Variants in ERICH3 observed in about 807,000 individuals in gnomAD.
ERICH3 encodes the protein glutamate-rich protein 3.
A neutral mutation model predicts 131.1 loss-of-function variants in ERICH3; 126 were observed. That is an observed-to-expected ratio of 0.96 (90% CI 0.83 to 1.11). The LOEUF is 1.11. ERICH3 is among the 50% of genes most tolerant of loss of function. The pLI, the probability that ERICH3 is intolerant of heterozygous loss-of-function variation, is 0.00. For synonymous variants in ERICH3, 695 were observed against 644.6 expected (o/e 1.08, Z -1.18); for missense variants, 2,050 against 1,810.7 (o/e 1.13, Z -2.40).
intron 1 of ERICH3, among the ~76,000 whole-genome samples, chr1:74,654,133 T>G (rs1421256929): frequency 1.3e-5 from 2 of 152,142 alleles, no homozygotes; most frequent in East Asian, 3.9e-4. Flanking sequence ...TTATTGTTTA[T>G]GTAGTCTCTA....
chr1:74,585,212 G>C (rs960721751), intron 12 of ERICH3, among the ~76,000 whole-genome samples: 3 of 152,104 alleles, frequency 2.0e-5, no homozygotes, highest in Non-Finnish European at 4.4e-5. Context: ...ATGCATGACA[G>C]CTTAAGCTGA....
chr1:74,650,209 A>C (rs959732458), intron 1 of ERICH3, among the ~76,000 whole-genome samples: 3 of 152,158 alleles, frequency 2.0e-5, no homozygotes, highest in Non-Finnish European at 2.9e-5. Context: ...CACATCCAGC[A>C]CCAAAACAAT....
chr1:74,643,521 A>G (rs1646454093), intron 3 of ERICH3, among the ~76,000 whole-genome samples: 1 of 152,174 alleles, frequency 6.6e-6, no homozygotes, highest in Admixed American at 6.6e-5. Flanking sequence ...ATAATTGATC[A>G]TTTAAATAAG....
At chr1:74,596,258 CTT>C (rs1376436332) in intron 11 of ERICH3, among the ~76,000 whole-genome samples, 2 of 152,066 alleles carry the variant, frequency 1.3e-5, no homozygotes, top group African/African-American at 4.8e-5. Flanking sequence ...TTCTCTGTCT[CTT>C]TATCTCTACT....
intron 7 of ERICH3, 108 bp from the exon 8 acceptor site, chr1:74,621,022 C>A: frequency 2.3e-6 from 2 of 869,532 alleles, no homozygotes; most frequent in East Asian, 3.1e-5. Flanking sequence ...AAGTACCTAC[C>A]AACAAAATCT....
chr1:74,599,065 C>T (rs1433561145), intron 11 of ERICH3, among the ~76,000 whole-genome samples: 3 of 151,796 alleles, frequency 2.0e-5, no homozygotes, highest in Non-Finnish European at 2.9e-5. Flanking sequence ...GAATTATATG[C>T]TTACATATTT....
At chr1:74,631,506 TATTA>T (rs1304091256) in intron 7 of ERICH3, among the ~76,000 whole-genome samples, 4 of 152,102 alleles carry the variant, frequency 2.6e-5, no homozygotes, top group Non-Finnish European at 5.9e-5. Context: ...AATCTTTTAT[TATTA>T]ATTATGCTAA....
At chr1:74,574,238 A>G (rs1294142816) in intron 13 of ERICH3, among the ~76,000 whole-genome samples, 1 of 151,968 alleles carries the variant, frequency 6.6e-6, no homozygotes, top group Non-Finnish European at 1.5e-5. Context: ...TTGGATCTCA[A>G]ACTCCCAAAG....
chr1:74,666,072 G>A (rs1646689290), intron 1 of ERICH3, among the ~76,000 whole-genome samples: 1 of 152,130 alleles, frequency 6.6e-6, no homozygotes, highest in Non-Finnish European at 1.5e-5. Context: ...AAAGGGCATA[G>A]ATACCTTCTA....
At chr1:74,585,551 A>C (rs185537851) in intron 12 of ERICH3, among the ~76,000 whole-genome samples, 96 of 152,308 alleles carry the variant, frequency 6.3e-4, no homozygotes, top group African/African-American at 2.1e-3. Context: ...GTTAGCTTAG[A>C]GTCTATAAAA....
At position 74,589,958 on chromosome 1, in the gene ERICH3, T is replaced by A; in HGVS notation, c.1849A>T (p.Arg617Trp). 1.2e-6 allele frequency: 2 copies of A among 1,614,062 alleles called. No homozygotes were observed. The highest frequency in any genetic ancestry group is 1.3e-5 in the African/African-American group (1 of 75,042). The change falls in exon 12 of 15, where the codon AGG (arginine) becomes TGG (tryptophan). Residue 617 changes from arginine (R) to tryptophan (W), a missense_variant. By Grantham distance (101) the Arg-to-Trp change is moderately radical. Coordinates refer to ENST00000326665, the MANE Select transcript of ERICH3 (RefSeq NM_001002912.5). ...TCACTCAGTTCCTGAGAAGATGACC[T>A]TCTGGCACTTTCATCTGTGCTGCTG... ...TDSSTDESAR[R>W]SSSQELSEND... is the part of the protein sequence containing the mutation.
At chr1:74,617,223 A>T (rs1364048515) in intron 8 of ERICH3, among the ~76,000 whole-genome samples, 1 of 152,022 alleles carries the variant, frequency 6.6e-6, no homozygotes, top group African/African-American at 2.4e-5. Flanking sequence ...AACCTTTGAT[A>T]GGGAAAAGTC....
chr1:74,621,084 A>T (rs559717391), intron 7 of ERICH3, among the ~76,000 whole-genome samples, 170 bp from the exon 8 acceptor site: 1 of 152,342 alleles, frequency 6.6e-6, no homozygotes, highest in South Asian at 2.1e-4. Context: ...ATTGCAAAAT[A>T]AATCCTCCTA....
chr1:74,628,319 C>T (rs1649482675), intron 7 of ERICH3, among the ~76,000 whole-genome samples: 1 of 152,110 alleles, frequency 6.6e-6, no homozygotes, highest in South Asian at 2.1e-4. Context: ...AAAGTCATGA[C>T]ATTACAAGAA....
At chr1:74,653,576 G>C (rs2100646576) in intron 1 of ERICH3, among the ~76,000 whole-genome samples, 1 of 152,236 alleles carries the variant, frequency 6.6e-6, no homozygotes, top group South Asian at 2.1e-4. Context: ...CCATTTTGCA[G>C]ATTACAAAGC....
At chr1:74,652,912 TG>T (rs1646550540) in intron 1 of ERICH3, among the ~76,000 whole-genome samples, 1 of 152,134 alleles carries the variant, frequency 6.6e-6, no homozygotes, top group Admixed American at 6.6e-5. Flanking sequence ...CTCAATGCAC[TG>T]GGGAAAACAG....
intron 10 of ERICH3, among the ~76,000 whole-genome samples, chr1:74,600,821 T>C (rs1488716966): frequency 6.6e-6 from 1 of 151,762 alleles, no homozygotes; most frequent in East Asian, 1.9e-4. Context: ...AAATAAACAA[T>C]TATCCTTAAA....
At chr1:74,633,553 T>C (rs975046404) in intron 6 of ERICH3, among the ~76,000 whole-genome samples, 18 of 151,984 alleles carry the variant, frequency 1.2e-4, no homozygotes, top group Non-Finnish European at 2.5e-4. Context: ...AATTAACATG[T>C]TGTTCTTTAC....
intron 11 of ERICH3, among the ~76,000 whole-genome samples, chr1:74,594,524 A>G (rs1441108437): frequency 6.6e-6 from 1 of 152,080 alleles, no homozygotes; most frequent in Non-Finnish European, 1.5e-5. Context: ...CATATCGAGA[A>G]CTTCCTATGT....
Sources: allele counts gnomAD v4.1 joint callset (sites outside exome capture counted in the v4.1 genomes callset), GRCh38; gene constraint gnomAD v4.1.1; transcripts MANE v1.5; gene names NCBI Gene and HGNC (gene_info 2026-07-23, HGNC 2026-07-21).